The following PKD2L2 variants were observed in gnomAD, a reference collection of about 807,000 sequenced individuals.
PKD2L2 encodes polycystin-2-like protein 2.
In PKD2L2, 67 loss-of-function variants were observed where a neutral mutation model predicts 83.9. The observed-to-expected ratio is 0.80, with a 90% CI of 0.66 to 0.98. The LOEUF is 0.98. Ranked by LOEUF, PKD2L2 falls within the 50% of genes least tolerant of loss-of-function variation. The pLI is 0.00. For missense variants in PKD2L2, 632 were observed against 717.2 expected (o/e 0.88, Z 1.36); for synonymous variants, 223 against 237.8 (o/e 0.94, Z 0.57).
chr5:137,919,092 T>C (rs1758655718), intron 8 of PKD2L2, among the ~76,000 whole-genome samples: 1 of 152,134 alleles, frequency 6.6e-6, no homozygotes, highest in Non-Finnish European at 1.5e-5. Flanking sequence ...AATCAATGAC[T>C]TCAAGAGAGA....
chr5:137,916,714 G>C (rs1758388863), intron 8 of PKD2L2, among the ~76,000 whole-genome samples: 2 of 151,870 alleles, frequency 1.3e-5, no homozygotes, highest in Non-Finnish European at 1.5e-5. Context: ...TCCTAACCCT[G>C]TGATCCACCA....
Position 137,894,610 on chromosome 5 carries a change from G to A in PKD2L2, c.524+1G>A. ...ATTTTGGCCTTCAAATTAATACTGAGTAAGTAGCATAAAATTATACTGTAA... is the reference window on the plus strand; with the variant it reads ...ATTTTGGCCTTCAAATTAATACTGAATAAGTAGCATAAAATTATACTGTAA... On this transcript the variant is annotated splice_donor_variant, in intron 4 of 14. Coordinates refer to ENST00000508883, the MANE Select transcript of PKD2L2 (RefSeq NM_001300921.2). LOFTEE classifies it high-confidence loss of function. The A allele has an allele frequency of 6.2e-7, 1 of 1,603,798 alleles. No individual in the cohort carries two copies. Among genetic ancestry groups the A allele is most frequent in the Non-Finnish European group, 8.5e-7 (1 of 1,173,028 alleles).
chr5:137,897,184 G>C (rs1489883142), intron 4 of PKD2L2, among the ~76,000 whole-genome samples: 1 of 151,578 alleles, frequency 6.6e-6, no homozygotes, highest in Non-Finnish European at 1.5e-5. Flanking sequence ...AGCCTCCCAA[G>C]TAGCTGGGAC....
At chr5:137,893,933 G>C (rs977682577) in intron 3 of PKD2L2, among the ~76,000 whole-genome samples, 7 of 152,186 alleles carry the variant, frequency 4.6e-5, no homozygotes, top group Non-Finnish European at 8.8e-5. Context: ...GTTCATCTTA[G>C]AACGATCAGC....
At chr5:137,920,003 AC>A (rs1758743472) in intron 8 of PKD2L2, among the ~76,000 whole-genome samples, 1 of 152,114 alleles carries the variant, frequency 6.6e-6, no homozygotes, top group African/African-American at 2.4e-5. Flanking sequence ...TTTGAGACCA[AC>A]CTGGTCAACG....
At chr5:137,933,212 G>T (rs1290769173) in intron 12 of PKD2L2, among the ~76,000 whole-genome samples, 1 of 152,050 alleles carries the variant, frequency 6.6e-6, no homozygotes, top group Non-Finnish European at 1.5e-5. Context: ...TGAACAGTTG[G>T]TCCATTCCAC....
intron 4 of PKD2L2, among the ~76,000 whole-genome samples, chr5:137,894,861 G>C (rs934874966): frequency 6.6e-6 from 1 of 152,146 alleles, no homozygotes; most frequent in Non-Finnish European, 1.5e-5. Context: ...AGTCATATTG[G>C]ACACAGGGCA....
intron 5 of PKD2L2, among the ~76,000 whole-genome samples, chr5:137,900,449 TATC>T (rs1756859603): frequency 6.6e-6 from 1 of 152,192 alleles, no homozygotes; most frequent in Non-Finnish European, 1.5e-5. Flanking sequence ...AGTAGAGAAA[TATC>T]ATGACATTGA....
At chr5:137,934,009 C>T (rs1166590116) in intron 12 of PKD2L2, among the ~76,000 whole-genome samples, 2 of 152,150 alleles carry the variant, frequency 1.3e-5, no homozygotes, top group Non-Finnish European at 2.9e-5. Context: ...ACCAATTATT[C>T]ATCAGTTAAG....
intron 8 of PKD2L2, among the ~76,000 whole-genome samples, chr5:137,910,669 A>G (rs1757756816): frequency 6.6e-6 from 1 of 151,908 alleles, no homozygotes; most frequent in Non-Finnish European, 1.5e-5. Context: ...AATCCCAGCT[A>G]CTCAGGAGGC....
chr5:137,935,912 A>AAGCTT lies in PKD2L2; in HGVS notation c.1784+5_1784+9dup. ...GTCACTCAAGAAGAATTTCGAGAGT[A>AAGCTT]AGCTTATGTTCTAACCAGACTATTA... is the stretch of plus-strand genomic sequence containing the variant. On this transcript the variant is annotated splice_donor_region_variant and intron_variant, in intron 13 of 14. Coordinates refer to ENST00000508883, the MANE Select transcript of PKD2L2 (RefSeq NM_001300921.2). 7.0e-7 allele frequency: 1 copy of AAGCTT among 1,425,766 alleles called. No homozygotes were observed. Among genetic ancestry groups the AAGCTT allele is most frequent in the East Asian group, 2.3e-5 (1 of 44,056 alleles). 88.3% of individuals were successfully genotyped at this position (1,425,766 alleles called of 1,614,324 possible).
chr5:137,896,671 C>T (rs555471710), intron 4 of PKD2L2, among the ~76,000 whole-genome samples: 26 of 152,222 alleles, frequency 1.7e-4, no homozygotes, highest in African/African-American at 3.9e-4. Context: ...CTTGCTCTCC[C>T]GAAGAGCTGG....
chr5:137,920,465 AGGGTAAAATAGGGCC>A (rs374595049), intron 8 of PKD2L2, among the ~76,000 whole-genome samples: 14 of 152,276 alleles, frequency 9.2e-5, no homozygotes, highest in African/African-American at 3.4e-4. Context: ...GCTATCAAAG[AGGGTAAAATAGGGCC>A]GGGCACAGTG....
chr5:137,922,747 C>T (rs1032861360), intron 9 of PKD2L2, among the ~76,000 whole-genome samples: 6 of 151,722 alleles, frequency 4.0e-5, no homozygotes, highest in African/African-American at 1.5e-4. Flanking sequence ...CAAAAACAAA[C>T]AAAAAAATGC....
At chr5:137,894,647 A>G in intron 4 of PKD2L2, 38 bp downstream of exon 4, 1 of 1,516,822 alleles carries the variant, frequency 6.6e-7, no homozygotes, top group South Asian at 1.2e-5. Flanking sequence ...TTTTTCTAGC[A>G]TTTACTGTTG....
At chr5:137,895,311 T>G (rs1475631488) in intron 4 of PKD2L2, among the ~76,000 whole-genome samples, 1 of 150,952 alleles carries the variant, frequency 6.6e-6, no homozygotes, top group Non-Finnish European at 1.5e-5. Flanking sequence ...CTACAGAAAA[T>G]TTAAAAATTA....
At chr5:137,912,845 C>T (rs1171052098) in intron 8 of PKD2L2, among the ~76,000 whole-genome samples, 2 of 104,858 alleles carry the variant, frequency 1.9e-5, no homozygotes, top group Non-Finnish European at 3.8e-5. Flanking sequence ...GCTTTTGTTG[C>T]CCAGGCTGGA....
At chr5:137,928,062 T>G (rs1759522102) in intron 12 of PKD2L2, among the ~76,000 whole-genome samples, 1 of 152,162 alleles carries the variant, frequency 6.6e-6, no homozygotes, top group South Asian at 2.1e-4. Flanking sequence ...GAAAATCAGG[T>G]TAGCATAACA....
In PKD2L2 at chr5:137,942,743, G is replaced by C; in HGVS notation, c.*377G>C. The C allele has an allele frequency of 1.5e-6, 1 of 683,726 alleles. No individual in the cohort carries two copies. Among genetic ancestry groups the C allele is most frequent in the African/African-American group, 1.9e-5 (1 of 53,616 alleles). The allele number at this position is 683,726 out of a possible 1,614,324, so 42.4% of individuals were successfully genotyped here. ...CAATAAATATTTGCAAATCACACTT[G>C]AAAAGCATGTGTCCTTTGATAAATT... On this transcript the variant is annotated 3_prime_UTR_variant, in exon 15 of 15. Transcript: ENST00000508883.
Sources: allele counts gnomAD v4.1 joint callset (sites outside exome capture counted in the v4.1 genomes callset), GRCh38; gene constraint gnomAD v4.1.1; transcripts MANE v1.5; gene names NCBI Gene and HGNC (gene_info 2026-07-23, HGNC 2026-07-21).